Variants in RSU1 observed in about 807,000 individuals in gnomAD.
The protein encoded by RSU1 is Ras suppressor protein 1.
In RSU1, 26 loss-of-function variants were observed where a neutral mutation model predicts 31.1. The observed-to-expected ratio is 0.84, with a 90% CI of 0.61 to 1.16. RSU1 has a LOEUF of 1.16. Ranked by LOEUF, RSU1 falls within the 50% of genes most tolerant of loss-of-function variation. The pLI is 0.00. For missense variants in RSU1, 320 were observed against 339.1 expected (o/e 0.94, Z 0.44); for synonymous variants, 164 against 136.3 (o/e 1.20, Z -1.41).
At chr10:16,669,128 C>T (rs1233312704) in intron 8 of RSU1, among the ~76,000 whole-genome samples, 1 of 152,070 alleles carries the variant, frequency 6.6e-6, no homozygotes, top group East Asian at 1.9e-4. Context: ...TAGAATTCTG[C>T]TATCAGATCT....
intron 8 of RSU1, among the ~76,000 whole-genome samples, chr10:16,618,810 C>T (rs2131476176): frequency 6.6e-6 from 1 of 152,236 alleles, no homozygotes; most frequent in South Asian, 2.1e-4. Flanking sequence ...GGGGAACTCA[C>T]ACACTGGGGC....
chr10:16,701,223 G>C (rs1474158426), intron 7 of RSU1, among the ~76,000 whole-genome samples: 2 of 152,148 alleles, frequency 1.3e-5, no homozygotes, highest in Admixed American at 1.3e-4. Context: ...AAAGCACATG[G>C]TGCACACTAA....
At chr10:16,733,435 G>C (rs987818256) in intron 7 of RSU1, among the ~76,000 whole-genome samples, 5 of 151,946 alleles carry the variant, frequency 3.3e-5, no homozygotes, top group African/African-American at 1.2e-4. Flanking sequence ...CTGAACCCAG[G>C]AGGCAGAGGG....
intron 7 of RSU1, among the ~76,000 whole-genome samples, chr10:16,706,685 T>A (rs1835911025): frequency 6.6e-6 from 1 of 152,204 alleles, no homozygotes. Flanking sequence ...CCAATCTGGG[T>A]GGCTAGTATT....
intron 2 of RSU1, among the ~76,000 whole-genome samples, chr10:16,787,803 T>C (rs866753917): frequency 6.6e-6 from 1 of 152,250 alleles, no homozygotes; most frequent in Non-Finnish European, 1.5e-5. Context: ...TCTCTCTTTA[T>C]AAATTACACA....
At chr10:16,665,659 T>C (rs888374881) in intron 8 of RSU1, among the ~76,000 whole-genome samples, 4 of 152,350 alleles carry the variant, frequency 2.6e-5, no homozygotes, top group African/African-American at 9.6e-5. Flanking sequence ...CTGTCTAAAA[T>C]TTATTCCTTA....
At chr10:16,740,190 G>A (rs765263041) in intron 7 of RSU1, among the ~76,000 whole-genome samples, 11 of 151,904 alleles carry the variant, frequency 7.2e-5, no homozygotes, top group African/African-American at 1.7e-4. Context: ...CCTCATGAAC[G>A]TGGAAAAATT....
intron 7 of RSU1, among the ~76,000 whole-genome samples, chr10:16,751,403 T>G (rs895001110): frequency 6.6e-6 from 1 of 152,150 alleles, no homozygotes; most frequent in Non-Finnish European, 1.5e-5. Flanking sequence ...TCCCAGCTGG[T>G]CCACGAAATC....
intron 8 of RSU1, among the ~76,000 whole-genome samples, chr10:16,694,763 G>T (rs1486008246): frequency 1.3e-5 from 2 of 151,876 alleles, no homozygotes; most frequent in Non-Finnish European, 2.9e-5. Flanking sequence ...CTTTTGTAGA[G>T]ACGGGGTCTT....
At chr10:16,662,056 T>C (rs1264080477) in intron 8 of RSU1, among the ~76,000 whole-genome samples, 2 of 152,234 alleles carry the variant, frequency 1.3e-5, no homozygotes, top group African/African-American at 4.8e-5. Context: ...TGGGCATTTT[T>C]CCCTTTTTGC....
At chr10:16,815,579 C>A (rs1478840176) in intron 2 of RSU1, among the ~76,000 whole-genome samples, 1 of 152,190 alleles carries the variant, frequency 6.6e-6, no homozygotes, top group Non-Finnish European at 1.5e-5. Context: ...TTTTGAGCAT[C>A]TACTGTGCTC....
intron 4 of RSU1, among the ~76,000 whole-genome samples, chr10:16,760,232 G>A (rs568051264): frequency 2.0e-5 from 3 of 152,290 alleles, no homozygotes; most frequent in African/African-American, 7.2e-5. Flanking sequence ...GTTTAGGGCC[G>A]GGCGCAGTGG....
chr10:16,780,472 G>C (rs188802588), intron 3 of RSU1, among the ~76,000 whole-genome samples: 88 of 152,194 alleles, frequency 5.8e-4, no homozygotes, highest in African/African-American at 2.0e-3. Flanking sequence ...CAAACTCCTA[G>C]GCTCAAGCAA....
intron 8 of RSU1, among the ~76,000 whole-genome samples, chr10:16,607,167 C>T (rs141431256): frequency 5.3e-5 from 8 of 152,280 alleles, no homozygotes; most frequent in South Asian, 2.1e-4. Flanking sequence ...GCAGCATTGA[C>T]GCCCTTGTGC....
chr10:16,744,954 C>A (rs549803269), intron 7 of RSU1, among the ~76,000 whole-genome samples: 61 of 152,164 alleles, frequency 4.0e-4, no homozygotes, highest in Non-Finnish European at 6.5e-4. Flanking sequence ...TAATTCCCAG[C>A]CTTTCTTTTA....
chr10:16,776,260 T>C (rs1837528569), intron 3 of RSU1, among the ~76,000 whole-genome samples: 1 of 152,244 alleles, frequency 6.6e-6, no homozygotes, highest in African/African-American at 2.4e-5. Flanking sequence ...ATTTTAAGAA[T>C]GCAGTATTTT....
chr10:16,785,449 T>TATATATAC, intron 2 of RSU1, among the ~76,000 whole-genome samples: 1 of 139,462 alleles, frequency 7.2e-6, no homozygotes, highest in South Asian at 2.1e-4. Context: ...TACACATATA[T>TATATATAC]ACATATATAC....
chr10:16,785,459 C>CATATATATACACATATATACATATATAT (rs1837764028), intron 2 of RSU1, among the ~76,000 whole-genome samples: 1 of 68,752 alleles, frequency 1.5e-5, no homozygotes, highest in African/African-American at 1.4e-4. Context: ...TACATATATA[C>CATATATATACACATATATACATATATAT]ATATATATAT....
rs1461584157 is a variant in RSU1 at position 16,592,089 on chromosome 10, C to T, written c.*1305G>A. The stretch of plus-strand genomic sequence containing the variant: ...TGATTTTTGACTTTTTTATATGCCC[C>T]AGTGGGTCCTGGTCTTGGGAGCTCA... On this transcript the variant is annotated 3_prime_UTR_variant, in exon 9 of 9. Coordinates refer to ENST00000345264, the MANE Select transcript of RSU1 (RefSeq NM_012425.4). The T allele has an allele frequency of 6.6e-6, 1 of 151,732 alleles. No homozygotes were observed. Among genetic ancestry groups the T allele is most frequent in the Non-Finnish European group, 1.5e-5 (1 of 68,020 alleles). The allele number at this position is 151,732 out of a possible 1,614,324, so 9.4% of individuals were successfully genotyped here. A position where few individuals can be genotyped will look rare whatever the true frequency, so the allele number is the denominator to read the frequency against.
Sources: gnomAD v4.1 joint callset for allele counts (sites outside exome capture counted in the v4.1 genomes callset) on GRCh38, gnomAD v4.1.1 for gene constraint, MANE v1.5 for transcripts, NCBI Gene and HGNC (gene_info 2026-07-23, HGNC 2026-07-21) for gene names.